The following STXBP5 variants were observed in gnomAD, a reference collection of about 807,000 sequenced individuals.
The protein encoded by STXBP5 is syntaxin-binding protein 5.
STXBP5 carries 50 observed loss-of-function variants against 152.4 expected under a neutral mutation model. The ratio of observed to expected loss-of-function variants is 0.33; its 90% CI spans 0.26 to 0.42. STXBP5 has a LOEUF of 0.42. Among genes scored for constraint, STXBP5 ranks in the 10% least tolerant of loss-of-function variants. The probability of loss-of-function intolerance (pLI) is 1.00; values close to 1 mark genes in which losing one functional copy is unlikely to be tolerated. For missense variants in STXBP5, 1,167 were observed against 1,388.6 expected, an observed-to-expected ratio of 0.84 and a Z score of 2.54; for synonymous variants, 492 against 494.7, an observed-to-expected ratio of 0.99 and a Z score of 0.07.
intron 8 of STXBP5, among the ~76,000 whole-genome samples, chr6:147,286,755 C>A (rs1336248087): frequency 6.6e-6 from 1 of 151,990 alleles, no homozygotes. Context: ...TTTTTTCATA[C>A]ACATGTATCA....
intron 14 of STXBP5, 108 bp downstream of exon 14, chr6:147,314,744 G>A: frequency 1.3e-6 from 1 of 779,380 alleles, no homozygotes; most frequent in Admixed American, 3.4e-5. Flanking sequence ...AAATGTAGAG[G>A]TTATAAATTT....
At chr6:147,308,345 T>G (rs931352498) in intron 9 of STXBP5, among the ~76,000 whole-genome samples, 1 of 152,224 alleles carries the variant, frequency 6.6e-6, no homozygotes, top group South Asian at 2.1e-4. Flanking sequence ...GATAACATTT[T>G]AAGCTCCCTA....
intron 17 of STXBP5, among the ~76,000 whole-genome samples, chr6:147,326,060 C>T (rs1457428066): frequency 1.3e-5 from 2 of 152,036 alleles, no homozygotes; most frequent in Non-Finnish European, 2.9e-5. Flanking sequence ...CTTGAACATC[C>T]GCAGATTTTA....
chr6:147,339,187 T>C lies in STXBP5; in HGVS notation c.2155T>C (p.Ser719Pro), dbSNP rs1783977093. Reference sequence around the variant, plus strand: ...TGTCTTCATTTGTGTAGGTTCTTCATCACCACACAATTCAGATGATGAACA... The same window carrying C: ...TGTCTTCATTTGTGTAGGTTCTTCACCACCACACAATTCAGATGATGAACA... ...RCKSPTSGSS[S>P]PHNSDDEQKM... The change falls in exon 20 of 28, where the codon TCA (serine) becomes CCA (proline). Residue 719 changes from serine to proline, a missense_variant. Ser to Pro is a moderately conservative substitution (Grantham distance 74). Transcript: ENST00000321680. 1.9e-6 allele frequency: 3 copies of C among 1,541,430 alleles called. No individual in the cohort carries two copies. The East Asian group carries it at 7.4e-5, about 38-fold the overall frequency.
rs768231727 is a variant in STXBP5 at position 147,327,231 on chromosome 6, C to T, written c.2035C>T (p.Arg679Trp). 15 of 1,613,772 alleles carry T rather than the reference C, an allele frequency of 9.3e-6. No homozygotes were observed. The highest frequency in any genetic ancestry group is 6.7e-5 in the African/African-American group (5 of 74,898). Residue 679 changes from arginine (R) to tryptophan (W), a missense_variant, in exon 18 of 28, where the codon CGG becomes TGG. Around this residue, in one of 3 missense-constraint regions of STXBP5, gnomAD observed 833 missense variants for 986.3 expected, o/e 0.84. Coordinates refer to ENST00000321680, the MANE Select transcript of STXBP5 (RefSeq NM_001127715.4). Reference sequence around the variant, plus strand: ...ATTATATGGCTCTAATGATCCTTATCGGAGAGAACCCCGATCTCCTCGTAA... The same window carrying T: ...ATTATATGGCTCTAATGATCCTTATTGGAGAGAACCCCGATCTCCTCGTAA... ...IELYGSNDPY[R>W]REPRSPRKSR...
In STXBP5 at chr6:147,223,991, C is replaced by T. The variant is rs1032621398; in HGVS notation, c.249-11259C>T. ...TGGAGACAGGGCTGTGAAACTGTTA[C>T]GTGAAATATTTGGAAAGGAACTGGA... is the stretch of plus-strand genomic sequence containing the variant. On this transcript the variant is annotated intron_variant, in intron 2 of 27. Transcript: ENST00000321680. Among the ~76,000 whole-genome samples, 23 of 152,186 alleles carry T rather than the reference C, an allele frequency of 1.5e-4. 1 individual carries two copies. The highest frequency in any genetic ancestry group is 3.9e-4 in the Admixed American group (6 of 15,276).
chr6:147,304,756 G>A (rs1012915587), intron 9 of STXBP5, among the ~76,000 whole-genome samples: 15 of 152,144 alleles, frequency 9.9e-5, no homozygotes, highest in African/African-American at 1.9e-4. Flanking sequence ...TGACCTGGAC[G>A]TGAGACAAGA....
chr6:147,385,279 T>G lies in STXBP5; in HGVS notation c.*524T>G, dbSNP rs1786285698. The G allele has an allele frequency of 6.6e-6, 1 of 152,576 alleles. No individual in the cohort carries two copies. The allele number at this position is 152,576 out of a possible 1,614,324, so 9.5% of individuals were successfully genotyped here. A position where few individuals can be genotyped will look rare whatever the true frequency, so the allele number is the denominator to read the frequency against. ...TATCATTAGTGAAAAAGAAACAAAT[T>G]GTTTGTTATCATCTCTTTAGACAGA... On this transcript the variant is annotated 3_prime_UTR_variant, in exon 28 of 28. Coordinates refer to ENST00000321680, the MANE Select transcript of STXBP5 (RefSeq NM_001127715.4).
chr6:147,354,448 T>C (rs1362586164), intron 22 of STXBP5, among the ~76,000 whole-genome samples: 1 of 151,568 alleles, frequency 6.6e-6, no homozygotes, highest in Non-Finnish European at 1.5e-5. Context: ...TTTGAGAAGG[T>C]CATAGTTTTC....
chr6:147,310,285 T>TC, intron 10 of STXBP5, 47 bp downstream of exon 10: 1 of 1,124,352 alleles, frequency 8.9e-7, no homozygotes, highest in Admixed American at 4.0e-5. Context: ...GAGCTGATAT[T>TC]AAAAAAAAAA....
chr6:147,330,486 T>C (rs529383385), intron 18 of STXBP5, among the ~76,000 whole-genome samples: 24 of 149,944 alleles, frequency 1.6e-4, no homozygotes, highest in Non-Finnish European at 3.2e-4. Flanking sequence ...AGATAATTGG[T>C]GAATTTAAAA....
intron 2 of STXBP5, among the ~76,000 whole-genome samples, chr6:147,218,566 G>A (rs981688376): frequency 5.9e-5 from 9 of 151,870 alleles, no homozygotes; most frequent in African/African-American, 2.2e-4. Context: ...CTGCAGCCTC[G>A]ATCTCCTGGG....
At chr6:147,336,520 T>C (rs962454284) in intron 19 of STXBP5, among the ~76,000 whole-genome samples, 1 of 151,742 alleles carries the variant, frequency 6.6e-6, no homozygotes, top group Non-Finnish European at 1.5e-5. Flanking sequence ...GAATAACAGA[T>C]GGGATGAATT....
intron 9 of STXBP5, 101 bp downstream of exon 9, chr6:147,291,273 C>A: frequency 1.4e-6 from 1 of 711,944 alleles, no homozygotes. Context: ...TTAGAATAGT[C>A]TACACCATTC....
At chr6:147,367,418 CACAAGGTCAG>C (rs1785339509) in intron 25 of STXBP5, among the ~76,000 whole-genome samples, 1 of 152,134 alleles carries the variant, frequency 6.6e-6, no homozygotes, top group Admixed American at 6.5e-5. Flanking sequence ...GCGGGTGGAT[CACAAGGTCAG>C]GAGATCGAGA....
rs1195723603 is a variant in STXBP5 at position 147,328,944 on chromosome 6, T to A, written c.2080+1668T>A. Among the ~76,000 whole-genome samples the A allele has an allele frequency of 2.0e-5, 3 of 152,194 alleles. No individual in the cohort carries two copies. In the East Asian group the frequency reaches 5.8e-4, roughly 29 times the overall value. On this transcript the variant is annotated intron_variant, in intron 18 of 27. Coordinates refer to ENST00000321680, the MANE Select transcript of STXBP5 (RefSeq NM_001127715.4). Reference sequence around the variant, plus strand: ...TATATGAAAACAGCTATTTAAATACTTGTGCCCCAATTCTATTTCTTTGTA... The same window carrying A: ...TATATGAAAACAGCTATTTAAATACATGTGCCCCAATTCTATTTCTTTGTA...
In STXBP5 at chr6:147,278,084, A is replaced by G. The variant is rs370382407; in HGVS notation, c.718A>G (p.Ile240Val). ...ADYRYTYDEA[I>V]HSVAWHHEGK... ...GGTATTTTTCATCCTTCTATAGGCT[A>G]TCCACTCTGTTGCTTGGCATCATGA... Residue 240 changes from isoleucine to valine, a missense_variant, in exon 8 of 28, where the codon ATC (isoleucine) becomes GTC (valine). Around this residue, in one of 3 missense-constraint regions of STXBP5, gnomAD observed 310 missense variants for 346.1 expected, o/e 0.90. Coordinates refer to ENST00000321680, the MANE Select transcript of STXBP5 (RefSeq NM_001127715.4). 33 of 1,611,640 alleles carry G rather than the reference A, an allele frequency of 2.0e-5. No individual in the cohort carries two copies. Among genetic ancestry groups the G allele is most frequent in the South Asian group, 4.4e-5 (4 of 90,920 alleles).
At chr6:147,364,222 C>A in intron 25 of STXBP5, 56 bp downstream of exon 25, 2 of 1,461,188 alleles carry the variant, frequency 1.4e-6, no homozygotes, top group Non-Finnish European at 1.9e-6. Flanking sequence ...TCTCTGAGGG[C>A]CCGTATACTG....
chr6:147,366,636 A>G (rs1049498117), intron 25 of STXBP5, among the ~76,000 whole-genome samples: 1 of 152,168 alleles, frequency 6.6e-6, no homozygotes, highest in South Asian at 2.1e-4. Flanking sequence ...TCTCTTTCTT[A>G]AAAAGACACT....
Sources: gnomAD v4.1 joint callset for allele counts (sites outside exome capture counted in the v4.1 genomes callset) on GRCh38, gnomAD v4.1.1 for gene constraint, gnomAD v4.1.1 regional missense constraint, MANE v1.5 for transcripts, NCBI Gene and HGNC (gene_info 2026-07-23, HGNC 2026-07-21) for gene names.